The following IGF2BP2 variants were observed in gnomAD, a reference collection of about 807,000 sequenced individuals.
IGF2BP2 encodes the protein insulin-like growth factor 2 mRNA-binding protein 2.
Under a neutral mutation model 75.8 loss-of-function variants are expected in IGF2BP2, and 17 were observed. That is an observed-to-expected ratio of 0.22 (90% CI 0.15 to 0.34). The LOEUF is 0.34. Ranked by LOEUF, IGF2BP2 falls within the 10% of genes least tolerant of loss-of-function variation. IGF2BP2 has a pLI of 1.00. For missense variants in IGF2BP2, 516 were observed against 772.4 expected, an observed-to-expected ratio of 0.67 and a Z score of 3.93; for synonymous variants, 288 against 295.6, an observed-to-expected ratio of 0.97 and a Z score of 0.26.
rs1299034879 is a variant in IGF2BP2, at chr3:185,653,859, G to A, written c.1387-1691C>T. 2.6e-5 allele frequency among the ~76,000 whole-genome samples: 4 copies of A among 152,296 alleles called. No homozygotes were observed. The East Asian group carries it at 7.7e-4, about 29-fold the overall frequency. On this transcript the variant is annotated intron_variant, in intron 12 of 15. Coordinates refer to ENST00000382199, the MANE Select transcript of IGF2BP2 (RefSeq NM_006548.6). ...CACCAATCCTGAGTCTAGGTCTCGAGAAAGATCTGTTTAGTGAAATGGGAT... is the reference window on the plus strand; with the variant it reads ...CACCAATCCTGAGTCTAGGTCTCGAAAAAGATCTGTTTAGTGAAATGGGAT...
chr3:185,668,719 A>G (rs1718062380), intron 10 of IGF2BP2, among the ~76,000 whole-genome samples: 1 of 151,888 alleles, frequency 6.6e-6, no homozygotes, highest in East Asian at 1.9e-4. Flanking sequence ...CAACATGACA[A>G]GTGGTTAGCA....
chr3:185,759,154 C>A (rs1732018947), intron 2 of IGF2BP2, among the ~76,000 whole-genome samples: 2 of 152,238 alleles, frequency 1.3e-5, no homozygotes, highest in African/African-American at 4.8e-5. Context: ...GATACCAATG[C>A]AATACATGTT....
chr3:185,672,131 G>GGTA (rs1718601521), intron 10 of IGF2BP2, among the ~76,000 whole-genome samples: 1 of 152,074 alleles, frequency 6.6e-6, no homozygotes, highest in Admixed American at 6.6e-5. Context: ...TGTAAACATA[G>GGTA]GTAGAAACTG....
chr3:185,713,548 A>G (rs1725143092), intron 2 of IGF2BP2: 1 of 507,232 alleles, frequency 2.0e-6, no homozygotes, highest in Non-Finnish European at 3.9e-6. Context: ...CTGGTGAGAC[A>G]TCAGAATGAA....
intron 2 of IGF2BP2, among the ~76,000 whole-genome samples, chr3:185,710,376 G>A (rs1269394216): frequency 2.6e-5 from 4 of 152,070 alleles, no homozygotes; most frequent in African/African-American, 4.8e-5. Flanking sequence ...TTCCCAACAC[G>A]CAGAGTCTGC....
chr3:185,753,406 T>C (rs975715819), intron 2 of IGF2BP2, among the ~76,000 whole-genome samples: 3 of 152,124 alleles, frequency 2.0e-5, no homozygotes, highest in East Asian at 1.9e-4. Flanking sequence ...CAGGGAAAGA[T>C]GCAGAAAAGA....
intron 10 of IGF2BP2, among the ~76,000 whole-genome samples, chr3:185,659,562 G>A (rs937684255): frequency 1.3e-5 from 2 of 151,634 alleles, no homozygotes; most frequent in Non-Finnish European, 2.9e-5. Flanking sequence ...TTTTAGTAGA[G>A]ATGGGGTTTC....
chr3:185,811,541 G>A (rs1001796758), intron 2 of IGF2BP2, among the ~76,000 whole-genome samples: 1 of 152,106 alleles, frequency 6.6e-6, no homozygotes, highest in African/African-American at 2.4e-5. Context: ...TTTAACATAA[G>A]AACTCTGACT....
chr3:185,716,839 GA>G (rs1264880469), intron 2 of IGF2BP2: 2 of 511,560 alleles, frequency 3.9e-6, no homozygotes, highest in African/African-American at 3.9e-5. Flanking sequence ...ACGCAGCCTG[GA>G]TCAGAGCTCC....
chr3:185,685,915 A>G (rs1379444867), intron 7 of IGF2BP2, among the ~76,000 whole-genome samples: 4 of 152,222 alleles, frequency 2.6e-5, no homozygotes. Context: ...AAGCACTGAG[A>G]TTATAGGTAT....
intron 2 of IGF2BP2, among the ~76,000 whole-genome samples, chr3:185,724,208 ACT>A (rs1726994549): frequency 6.6e-6 from 1 of 152,346 alleles, no homozygotes; most frequent in Admixed American, 6.5e-5. Flanking sequence ...AGACACAGTC[ACT>A]GAGATCATTC....
chr3:185,670,884 T>C (rs1338092409), intron 10 of IGF2BP2, among the ~76,000 whole-genome samples: 1 of 152,228 alleles, frequency 6.6e-6, no homozygotes, highest in African/African-American at 2.4e-5. Context: ...TTACCGATTT[T>C]AGAATTGGTC....
chr3:185,656,628 G>A (rs1042783177), intron 12 of IGF2BP2, among the ~76,000 whole-genome samples: 1 of 152,220 alleles, frequency 6.6e-6, no homozygotes, highest in Non-Finnish European at 1.5e-5. Flanking sequence ...CTGCCCGTGA[G>A]TCAGAGCTGA....
intron 2 of IGF2BP2, among the ~76,000 whole-genome samples, chr3:185,766,516 A>C (rs901687939): frequency 2.6e-5 from 4 of 152,190 alleles, no homozygotes; most frequent in African/African-American, 9.7e-5. Flanking sequence ...GTCCATAAAT[A>C]AAGTTTTATT....
intron 2 of IGF2BP2, among the ~76,000 whole-genome samples, chr3:185,704,108 G>A (rs182446957): frequency 6.6e-6 from 1 of 152,212 alleles, no homozygotes; most frequent in East Asian, 1.9e-4. Context: ...ACCCAAATAC[G>A]TCCCATCTGT....
chr3:185,676,605 C>CA (rs1387995497), intron 7 of IGF2BP2, among the ~76,000 whole-genome samples: 1 of 151,060 alleles, frequency 6.6e-6, no homozygotes, highest in African/African-American at 2.4e-5. Context: ...CCAGGGAGGC[C>CA]AAAGCTACAG....
At chr3:185,650,481 A>G (rs528871058) in intron 13 of IGF2BP2, among the ~76,000 whole-genome samples, 1 of 152,282 alleles carries the variant, frequency 6.6e-6, no homozygotes, top group Non-Finnish European at 1.5e-5. Context: ...GTTCAAGATC[A>G]GCCTGGTCAT....
At chr3:185,668,247 G>A (rs951137652) in intron 10 of IGF2BP2, among the ~76,000 whole-genome samples, 1 of 151,752 alleles carries the variant, frequency 6.6e-6, no homozygotes, top group African/African-American at 2.4e-5. Flanking sequence ...AATCAAACTA[G>A]GTCTAGTTAT....
At chr3:185,808,843 C>CA (rs761151039) in intron 2 of IGF2BP2, among the ~76,000 whole-genome samples, 3 of 152,046 alleles carry the variant, frequency 2.0e-5, no homozygotes, top group Non-Finnish European at 4.4e-5. Context: ...GCTGGGATTA[C>CA]AGGCATGAGC....
Sources: gnomAD v4.1 joint callset for allele counts (sites outside exome capture counted in the v4.1 genomes callset) on GRCh38, gnomAD v4.1.1 for gene constraint, MANE v1.5 for transcripts, NCBI Gene and HGNC (gene_info 2026-07-23, HGNC 2026-07-21) for gene names.